Variants in TOPAZ1 observed in about 807,000 individuals in gnomAD.
The protein encoded by TOPAZ1 is testis and ovary specific TOPAZ 1, also known as protein TOPAZ1.
In TOPAZ1, 66 loss-of-function variants were observed where a neutral mutation model predicts 172.2. The ratio of observed to expected loss-of-function variants is 0.38; its 90% confidence interval spans 0.31 to 0.47. The LOEUF is 0.47. Among genes scored for constraint, TOPAZ1 ranks in the 20% least tolerant of loss-of-function variants. The pLI is 0.99. For synonymous variants in TOPAZ1, 681 were observed against 683.9 expected (o/e 1.00, Z 0.07); for missense variants, 1,822 against 1,972.4 (o/e 0.92, Z 1.44).
chr3:44,245,989 C>T (rs1000608740), intron 2 of TOPAZ1, among the ~76,000 whole-genome samples: 1 of 152,226 alleles, frequency 6.6e-6, no homozygotes, highest in African/African-American at 2.4e-5. Context: ...AATCCATTTT[C>T]TATAGCCTCC....
At chr3:44,325,802 C>A (rs146228942) in intron 18 of TOPAZ1, among the ~76,000 whole-genome samples, 2 of 152,128 alleles carry the variant, frequency 1.3e-5, no homozygotes, top group African/African-American at 2.4e-5. Context: ...TATCACCATG[C>A]GCAGCTAATT....
chr3:44,280,018 A>T (rs1442143835), intron 8 of TOPAZ1, among the ~76,000 whole-genome samples: 1 of 152,120 alleles, frequency 6.6e-6, no homozygotes, highest in East Asian at 1.9e-4. Flanking sequence ...TTTCACTTCT[A>T]GGTGTAGGAT....
At chr3:44,300,611 G>A (rs968511651) in intron 12 of TOPAZ1, among the ~76,000 whole-genome samples, 21 of 151,990 alleles carry the variant, frequency 1.4e-4, no homozygotes, top group African/African-American at 4.8e-4. Context: ...TTTAAATATT[G>A]TTAACACCAA....
At chr3:44,316,094 T>A (rs1311979140) in intron 16 of TOPAZ1, among the ~76,000 whole-genome samples, 1 of 151,530 alleles carries the variant, frequency 6.6e-6, no homozygotes, top group Non-Finnish European at 1.5e-5. Flanking sequence ...AAAAAAAATT[T>A]AATTAGCCAG....
intron 13 of TOPAZ1, among the ~76,000 whole-genome samples, chr3:44,304,824 A>G (rs1181377934): frequency 6.6e-6 from 1 of 152,222 alleles, no homozygotes; most frequent in Non-Finnish European, 1.5e-5. Flanking sequence ...GCTGCTCATC[A>G]TGTTTTCCGT....
At chr3:44,334,517 C>G (rs760307854), downstream of TOPAZ1, among the ~76,000 whole-genome samples, 2 of 152,066 alleles carry the variant, frequency 1.3e-5, no homozygotes, top group Non-Finnish European at 2.9e-5. Context: ...CTGTTGCAGG[C>G]TGGTATTGGG....
At chr3:44,256,355 T>C (rs1363745518) in intron 4 of TOPAZ1, 77 bp downstream of exon 4, 1 of 1,375,544 alleles carries the variant, frequency 7.3e-7, no homozygotes. Context: ...TTAACAGTGC[T>C]ATCGGGTGGC....
chr3:44,298,909 A>ATTTT (rs1220596657), intron 12 of TOPAZ1, among the ~76,000 whole-genome samples: 1 of 41,312 alleles, frequency 2.4e-5, no homozygotes, highest in Non-Finnish European at 4.3e-5. Flanking sequence ...ATATATATAT[A>ATTTT]TTTTTTTTTT....
chr3:44,306,466 T>C, intron 15 of TOPAZ1, 40 bp downstream of exon 15: 1 of 1,169,734 alleles, frequency 8.5e-7, no homozygotes. Context: ...GTATAGAGAC[T>C]ACTAGTTTTA....
chr3:44,320,620 G>A (rs985961901), intron 16 of TOPAZ1, among the ~76,000 whole-genome samples: 1 of 151,982 alleles, frequency 6.6e-6, no homozygotes, highest in African/African-American at 2.4e-5. Flanking sequence ...GAAAAGAAAA[G>A]AAAAGCTATT....
Position 44,286,388 on chromosome 3 carries a change from G to A in TOPAZ1, c.3437-1001G>A, listed in dbSNP as rs144194620. On this transcript the variant is annotated intron_variant, in intron 9 of 19. Coordinates refer to ENST00000309765, the MANE Select transcript of TOPAZ1 (RefSeq NM_001145030.2). Reference sequence around the variant, plus strand: ...CCGTTTTATCAGTTGATCAGCTTCTGTATAGGCGACTATATAAATACTGCC... The same window carrying A: ...CCGTTTTATCAGTTGATCAGCTTCTATATAGGCGACTATATAAATACTGCC... Among the ~76,000 whole-genome samples the A allele has an allele frequency of 1.5e-3, 223 of 152,178 alleles. 1 individual carries two copies. In the East Asian group the frequency reaches 0.021, roughly 14 times the overall value.
intron 16 of TOPAZ1, among the ~76,000 whole-genome samples, chr3:44,315,055 C>T (rs533213056): frequency 6.6e-6 from 1 of 152,130 alleles, no homozygotes; most frequent in South Asian, 2.1e-4. Flanking sequence ...GAGTATTTCA[C>T]CTGTGGTGGT....
intron 16 of TOPAZ1, among the ~76,000 whole-genome samples, chr3:44,320,727 A>G (rs1265950938): frequency 6.6e-6 from 1 of 152,252 alleles, no homozygotes; most frequent in Non-Finnish European, 1.5e-5. Context: ...TATTTGTGAT[A>G]ATCTGAACTT....
chr3:44,307,210 C>T (rs1376530791), intron 15 of TOPAZ1, among the ~76,000 whole-genome samples: 1 of 151,934 alleles, frequency 6.6e-6, no homozygotes, highest in African/African-American at 2.4e-5. Flanking sequence ...TTAGTAGAGA[C>T]AGGGTTTCTC....
chr3:44,275,148 A>G (rs770986158), intron 8 of TOPAZ1, among the ~76,000 whole-genome samples: 13 of 151,998 alleles, frequency 8.6e-5, no homozygotes, highest in Non-Finnish European at 1.6e-4. Flanking sequence ...ATAATGATCA[A>G]TCAAGTCAGG....
intron 12 of TOPAZ1, among the ~76,000 whole-genome samples, chr3:44,298,943 G>T (rs1700237361): frequency 1.5e-5 from 1 of 66,544 alleles, no homozygotes; most frequent in African/African-American, 5.7e-5. Context: ...TTCCCCCTGA[G>T]ATAGAGTCTT....
intron 4 of TOPAZ1, 80 bp downstream of exon 4, chr3:44,256,358 C>T (rs894680869): frequency 1.0e-5 from 14 of 1,360,090 alleles, no homozygotes; most frequent in Non-Finnish European, 1.3e-5. Context: ...ACAGTGCTAT[C>T]GGGTGGCAAG....
intron 2 of TOPAZ1, among the ~76,000 whole-genome samples, chr3:44,251,011 T>C (rs1021565877): frequency 6.6e-6 from 1 of 152,186 alleles, no homozygotes; most frequent in African/African-American, 2.4e-5. Context: ...CCCCAGTAAA[T>C]TTGTAGCAGT....
At chr3:44,246,327 T>C (rs1448942930) in intron 2 of TOPAZ1, among the ~76,000 whole-genome samples, 2 of 152,214 alleles carry the variant, frequency 1.3e-5, no homozygotes, top group African/African-American at 2.4e-5. Context: ...CCGTTATTTA[T>C]ATAATACCTG....
Sources: gnomAD v4.1 joint callset for allele counts (sites outside exome capture counted in the v4.1 genomes callset) on GRCh38, gnomAD v4.1.1 for gene constraint, MANE v1.5 for transcripts, NCBI Gene and HGNC (gene_info 2026-07-23, HGNC 2026-07-21) for gene names.